Variants in CDH12 observed in about 807,000 individuals in gnomAD.
CDH12 encodes the protein cadherin 12, also known as cadherin-12.
CDH12 carries 41 observed loss-of-function variants against 74.1 expected under a neutral mutation model. The ratio of observed to expected loss-of-function variants is 0.55; its 90% CI spans 0.43 to 0.72. The LOEUF is 0.72. Among genes scored for constraint, CDH12 ranks in the 30% least tolerant of loss-of-function variants. The pLI is 0.00. For missense variants in CDH12, 945 were observed against 977.2 expected, an observed-to-expected ratio of 0.97 and a Z score of 0.44; for synonymous variants, 399 against 355.0, an observed-to-expected ratio of 1.12 and a Z score of -1.39.
intron 1 of CDH12, among the ~76,000 whole-genome samples, chr5:22,593,163 T>C (rs1736431983): frequency 6.6e-6 from 1 of 152,144 alleles, no homozygotes; most frequent in Admixed American, 6.5e-5. Flanking sequence ...TCTCAATCCC[T>C]TTCTATGGGA....
chr5:21,991,140 T>C (rs1225409691), intron 5 of CDH12, among the ~76,000 whole-genome samples: 2 of 151,864 alleles, frequency 1.3e-5, no homozygotes, highest in African/African-American at 4.8e-5. Context: ...CCATTAGTAA[T>C]TGTACTAGGT....
chr5:22,485,342 C>A (rs1182690937), intron 2 of CDH12, among the ~76,000 whole-genome samples: 1 of 152,112 alleles, frequency 6.6e-6, no homozygotes, highest in Non-Finnish European at 1.5e-5. Context: ...CCACCATGCC[C>A]AGTTAATTAA....
At chr5:22,397,603 T>G (rs1742512448) in intron 3 of CDH12, among the ~76,000 whole-genome samples, 1 of 152,176 alleles carries the variant, frequency 6.6e-6, no homozygotes, top group Admixed American at 6.6e-5. Context: ...TAGCAAAATA[T>G]GGTAAATCTT....
chr5:22,353,871 A>T (rs2150466757), intron 3 of CDH12, among the ~76,000 whole-genome samples: 1 of 152,300 alleles, frequency 6.6e-6, no homozygotes, highest in Non-Finnish European at 1.5e-5. Context: ...AGTGTCTGCA[A>T]CCCTGGTACA....
intron 10 of CDH12, among the ~76,000 whole-genome samples, chr5:21,793,181 T>C (rs1746597828): frequency 6.6e-6 from 1 of 151,796 alleles, no homozygotes; most frequent in Non-Finnish European, 1.5e-5. Flanking sequence ...TGAATCCCTC[T>C]AGACAGCATC....
chr5:22,239,785 G>T (rs1362621974), intron 3 of CDH12, among the ~76,000 whole-genome samples: 2 of 152,128 alleles, frequency 1.3e-5, no homozygotes, highest in African/African-American at 4.8e-5. Context: ...TTATTAGAGG[G>T]TGTTGAGCTA....
At chr5:21,939,444 G>A (rs1440985017) in intron 6 of CDH12, among the ~76,000 whole-genome samples, 1 of 151,502 alleles carries the variant, frequency 6.6e-6, no homozygotes, top group African/African-American at 2.4e-5. Context: ...ATACATCAGG[G>A]TTACAATTAA....
intron 1 of CDH12, among the ~76,000 whole-genome samples, chr5:22,544,618 C>A (rs1181106298): frequency 6.6e-6 from 1 of 151,958 alleles, no homozygotes; most frequent in Non-Finnish European, 1.5e-5. Context: ...GTGTTCAAGA[C>A]CAGACTGAGA....
intron 5 of CDH12, among the ~76,000 whole-genome samples, chr5:22,013,254 G>A (rs1737400779): frequency 1.3e-5 from 2 of 152,276 alleles, no homozygotes; most frequent in East Asian, 3.9e-4. Context: ...AAGGAGAAGT[G>A]CCGAGCAAAG....
At chr5:21,942,826 T>C (rs1261556268) in intron 6 of CDH12, among the ~76,000 whole-genome samples, 59 of 152,110 alleles carry the variant, frequency 3.9e-4, no homozygotes, top group Non-Finnish European at 5.9e-5. Flanking sequence ...ATGTTAAATC[T>C]CCAGATAACT....
chr5:22,008,233 ATT>A (rs370005873), intron 5 of CDH12, among the ~76,000 whole-genome samples: 5 of 145,982 alleles, frequency 3.4e-5, no homozygotes, highest in Non-Finnish European at 4.6e-5. Flanking sequence ...GAACTATACA[ATT>A]TTTTTTTTTT....
chr5:22,785,691 C>T (rs915014011), intron 1 of CDH12, among the ~76,000 whole-genome samples: 1 of 151,874 alleles, frequency 6.6e-6, no homozygotes, highest in African/African-American at 2.4e-5. Flanking sequence ...CTAATTTTTG[C>T]ACCTTTTGTA....
At chr5:22,424,023 A>G (rs867687342) in intron 2 of CDH12, among the ~76,000 whole-genome samples, 244 of 147,762 alleles carry the variant, frequency 1.7e-3, no homozygotes, top group African/African-American at 5.3e-3. Flanking sequence ...AAAAAAAAAA[A>G]AAAAGAAAAG....
At chr5:22,631,768 G>T (rs1289890888) in intron 1 of CDH12, among the ~76,000 whole-genome samples, 1 of 152,098 alleles carries the variant, frequency 6.6e-6, no homozygotes, top group African/African-American at 2.4e-5. Context: ...TAACAATCCT[G>T]GTGGAAGGCA....
At chr5:22,831,494 A>G (rs962485935) in intron 1 of CDH12, among the ~76,000 whole-genome samples, 3 of 151,972 alleles carry the variant, frequency 2.0e-5, no homozygotes, top group African/African-American at 7.2e-5. Context: ...TGTCAAGTGA[A>G]GGGATATGGC....
intron 3 of CDH12, among the ~76,000 whole-genome samples, chr5:22,249,260 A>T (rs1309154476): frequency 6.6e-6 from 1 of 152,198 alleles, no homozygotes; most frequent in Non-Finnish European, 1.5e-5. Context: ...ATTATCTGTC[A>T]AGGTTAAAGG....
At chr5:22,104,050 T>TAC (rs1744296002) in intron 4 of CDH12, among the ~76,000 whole-genome samples, 1 of 152,184 alleles carries the variant, frequency 6.6e-6, no homozygotes, top group Non-Finnish European at 1.5e-5. Context: ...AGGCTGCACT[T>TAC]TAGGTGAACT....
At chr5:22,770,741 G>T (rs1746764405) in intron 1 of CDH12, among the ~76,000 whole-genome samples, 1 of 151,980 alleles carries the variant, frequency 6.6e-6, no homozygotes. Context: ...ATCCTAGTTT[G>T]TTAATATTAC....
intron 3 of CDH12, among the ~76,000 whole-genome samples, chr5:22,339,833 C>T (rs1370665033): frequency 6.6e-6 from 1 of 152,072 alleles, no homozygotes; most frequent in East Asian, 1.9e-4. Flanking sequence ...AAATAAAGAG[C>T]AGAAAAGTGA....
Sources: allele counts gnomAD v4.1 joint callset (sites outside exome capture counted in the v4.1 genomes callset), GRCh38; gene constraint gnomAD v4.1.1; transcripts MANE v1.5; gene names NCBI Gene and HGNC (gene_info 2026-07-23, HGNC 2026-07-21).